Variants in SPON1 observed in about 807,000 individuals in gnomAD.
SPON1 encodes the protein spondin 1.
A neutral mutation model predicts 111.7 loss-of-function variants in SPON1; 52 were observed. The ratio of observed to expected loss-of-function variants is 0.47; its 90% CI spans 0.37 to 0.59. The LOEUF (loss-of-function observed/expected upper bound fraction) is 0.59. Among genes scored for constraint, SPON1 ranks in the 20% least tolerant of loss-of-function variants. The pLI is 0.00. For synonymous variants in SPON1, 410 were observed against 395.8 expected (o/e 1.04, Z -0.43); for missense variants, 957 against 1,068.5 (o/e 0.90, Z 1.46).
chr11:14,055,111 G>A (rs781848521), intron 3 of SPON1, among the ~76,000 whole-genome samples: 6 of 152,080 alleles, frequency 3.9e-5, no homozygotes, highest in Non-Finnish European at 8.8e-5. Flanking sequence ...TTTGCCATCT[G>A]TCATGTGTCC....
intron 6 of SPON1, among the ~76,000 whole-genome samples, chr11:14,236,462 G>A (rs1173772073): frequency 6.6e-6 from 1 of 152,190 alleles, no homozygotes; most frequent in Non-Finnish European, 1.5e-5. Flanking sequence ...AGTTTGAGAT[G>A]CCACTTAGAT....
intron 5 of SPON1, among the ~76,000 whole-genome samples, chr11:14,125,750 C>T (rs1184987107): frequency 6.6e-6 from 1 of 152,134 alleles, no homozygotes; most frequent in African/African-American, 2.4e-5. Flanking sequence ...GAAATAAAAT[C>T]AATAGGGTAT....
chr11:14,009,126 T>G (rs11023050), intron 2 of SPON1, among the ~76,000 whole-genome samples: 5 of 152,230 alleles, frequency 3.3e-5, no homozygotes, highest in Non-Finnish European at 7.3e-5. Context: ...TCCATTCATG[T>G]GTTCCCTGTG....
At chr11:14,167,521 TC>T (rs1848044545) in intron 6 of SPON1, among the ~76,000 whole-genome samples, 1 of 146,906 alleles carries the variant, frequency 6.8e-6, no homozygotes, top group Non-Finnish European at 1.5e-5. Flanking sequence ...AAAACCATTT[TC>T]ATTATCTTTT....
Position 13,962,848 on chromosome 11 carries a change from G to T in SPON1, c.-57G>T. 1 of 1,392,064 alleles carries T rather than the reference G, an allele frequency of 7.2e-7. No individual in the cohort carries two copies. The highest frequency in any genetic ancestry group is 9.3e-7 in the Non-Finnish European group (1 of 1,073,428). 86.2% of individuals were successfully genotyped at this position (1,392,064 alleles called of 1,614,324 possible). ...TCGCGCCTTCGTCGGGACCACTTCG[G>T]GCAGGAGTCGCGTGGCGAAGGCCTG... On this transcript the variant is annotated 5_prime_UTR_variant, in exon 1 of 16. Transcript: ENST00000576479.
chr11:14,043,706 C>G (rs1434949687), intron 3 of SPON1, among the ~76,000 whole-genome samples: 1 of 152,198 alleles, frequency 6.6e-6, no homozygotes, highest in Non-Finnish European at 1.5e-5. Flanking sequence ...TGGCCCAGAT[C>G]TCTGGTTTTC....
Position 14,259,461 on chromosome 11 carries a change from G to A in SPON1, c.1663+11G>A, listed in dbSNP as rs782675085. 3.7e-6 allele frequency: 6 copies of A among 1,602,272 alleles called. No homozygotes were observed. Among genetic ancestry groups the A allele is most frequent in the Non-Finnish European group, 5.1e-6 (6 of 1,174,632 alleles). On this transcript the variant is annotated intron_variant, in intron 12 of 15. Transcript: ENST00000576479. This position sits in a 1 kb window ranked among gnomAD's most constrained non-coding sequence, Gnocchi z 5.0. The stretch of plus-strand genomic sequence containing the variant: ...TCAACGAGGAGTGCTGTGAGTGGGG[G>A]CCCCGGGCGGGCAGGCGGGCAAGTA...
intron 5 of SPON1, among the ~76,000 whole-genome samples, chr11:14,120,228 A>G (rs1554926373): frequency 6.6e-6 from 1 of 152,166 alleles, no homozygotes; most frequent in African/African-American, 2.4e-5. Flanking sequence ...CATGTTAATG[A>G]TTATTATTTC....
chr11:13,963,186 C>A lies in SPON1; in HGVS notation c.238+44C>A, dbSNP rs571026161. 1.7e-4 allele frequency: 234 copies of A among 1,387,222 alleles called. No homozygotes were observed. In the East Asian group the frequency reaches 1.9e-3, roughly 11 times the overall value. The allele number at this position is 1,387,222 out of a possible 1,614,324, so 85.9% of individuals were successfully genotyped here. A position where few individuals can be genotyped will look rare whatever the true frequency, so the allele number is the denominator to read the frequency against. ...TGGCATTAGGAGAGCGGGACCCGGT[C>A]CCCGGAGGGCGCCGACCTCGCGGTG... On this transcript the variant is annotated intron_variant, in intron 1 of 15. Coordinates refer to ENST00000576479, the MANE Select transcript of SPON1 (RefSeq NM_006108.4).
chr11:14,036,943 T>G (rs1554916701), intron 2 of SPON1, among the ~76,000 whole-genome samples: 1 of 152,006 alleles, frequency 6.6e-6, no homozygotes, highest in Non-Finnish European at 1.5e-5. Context: ...ATTTTGGTAG[T>G]GCAATGTGGC....
rs531797000 is a variant in SPON1 at position 14,226,860 on chromosome 11, T to C, written c.826-16472T>C. Among the ~76,000 whole-genome samples, 3 of 152,328 alleles carry C rather than the reference T, an allele frequency of 2.0e-5. No individual in the cohort carries two copies. The South Asian group carries it at 6.2e-4, about 32-fold the overall frequency. On this transcript the variant is annotated intron_variant, in intron 6 of 15. Coordinates refer to ENST00000576479, the MANE Select transcript of SPON1 (RefSeq NM_006108.4). ...GCGCTGGTTCCTTCGGGAGGCTCCATTGCACAGTCAGTGGCTGCCAGTCTT... is the reference window on the plus strand; with the variant it reads ...GCGCTGGTTCCTTCGGGAGGCTCCACTGCACAGTCAGTGGCTGCCAGTCTT...
intron 5 of SPON1, among the ~76,000 whole-genome samples, chr11:14,130,339 G>A (rs187412836): frequency 5.1e-4 from 78 of 152,316 alleles, no homozygotes; most frequent in Middle Eastern, 3.4e-3. Context: ...TGGGTGCTGA[G>A]TGCCCTTGGT....
At chr11:14,038,873 A>G (rs532479491) in intron 2 of SPON1, among the ~76,000 whole-genome samples, 1 of 152,228 alleles carries the variant, frequency 6.6e-6, no homozygotes, top group Admixed American at 6.5e-5. Context: ...TAAAAATTTT[A>G]TGTCCACCCA....
At chr11:13,999,071 C>A (rs1444794903) in intron 2 of SPON1, among the ~76,000 whole-genome samples, 1 of 151,958 alleles carries the variant, frequency 6.6e-6, no homozygotes, top group African/African-American at 2.4e-5. Flanking sequence ...CACTTAAAGC[C>A]GTTGTGTTTG....
At chr11:14,226,229 G>T (rs1386809726) in intron 6 of SPON1, among the ~76,000 whole-genome samples, 1 of 152,202 alleles carries the variant, frequency 6.6e-6, no homozygotes, top group Non-Finnish European at 1.5e-5. Context: ...GACTTGAATA[G>T]GAATGCCCTT....
chr11:14,048,040 G>A (rs1848682317), intron 3 of SPON1, among the ~76,000 whole-genome samples: 1 of 152,208 alleles, frequency 6.6e-6, no homozygotes, highest in African/African-American at 2.4e-5. Flanking sequence ...AGGAGTTTGA[G>A]ACCAGCCTGG....
intron 6 of SPON1, among the ~76,000 whole-genome samples, chr11:14,174,189 G>A (rs1848145639): frequency 6.6e-6 from 1 of 152,186 alleles, no homozygotes; most frequent in Non-Finnish European, 1.5e-5. Context: ...CTTCTACCCT[G>A]CATTTCAGCA....
At chr11:14,108,194 T>G (rs1326921499) in intron 5 of SPON1, among the ~76,000 whole-genome samples, 2 of 152,216 alleles carry the variant, frequency 1.3e-5, no homozygotes, top group Non-Finnish European at 2.9e-5. Flanking sequence ...TGGAATATGA[T>G]GAAAGCTCAC....
At chr11:14,169,319 C>T (rs1266525679) in intron 6 of SPON1, among the ~76,000 whole-genome samples, 3 of 151,912 alleles carry the variant, frequency 2.0e-5, no homozygotes, top group Non-Finnish European at 4.4e-5. Flanking sequence ...AGTGTCTGTT[C>T]ATATCCTTCA....
Sources: gnomAD v4.1 joint callset for allele counts (sites outside exome capture counted in the v4.1 genomes callset) on GRCh38, gnomAD v4.1.1 for gene constraint, Gnocchi (gnomAD v3.1) non-coding constraint, MANE v1.5 for transcripts, NCBI Gene and HGNC (gene_info 2026-07-23, HGNC 2026-07-21) for gene names.